NRXN3: variants seen among roughly 807,000 people sequenced by gnomAD.
NRXN3 encodes the protein neurexin III.
In NRXN3, 32 loss-of-function variants were observed where a neutral mutation model predicts 137.6. The ratio of observed to expected loss-of-function variants is 0.23; its 90% confidence interval spans 0.18 to 0.31. The LOEUF is 0.31. Among genes scored for constraint, NRXN3 ranks in the 10% least tolerant of loss-of-function variants. The pLI, the probability that NRXN3 is intolerant of heterozygous loss-of-function variation, is 1.00. For missense variants in NRXN3, 1,574 were observed against 2,062.5 expected (o/e 0.76, Z 4.59); for synonymous variants, 798 against 784.5 (o/e 1.02, Z -0.29).
chr14:78,402,345 A>C (rs1224394176), intron 4 of NRXN3, among the ~76,000 whole-genome samples: 1 of 152,264 alleles, frequency 6.6e-6, no homozygotes, highest in African/African-American at 2.4e-5. Flanking sequence ...AGTGAAAACA[A>C]AGATTTACTA....
At chr14:79,137,247 C>T (rs2058332800) in intron 15 of NRXN3, among the ~76,000 whole-genome samples, 1 of 152,122 alleles carries the variant, frequency 6.6e-6, no homozygotes, top group Non-Finnish European at 1.5e-5. Context: ...AGTATTTTGG[C>T]CTTCAGCTGG....
intron 4 of NRXN3, among the ~76,000 whole-genome samples, chr14:78,615,745 G>A (rs1311406782): frequency 6.6e-6 from 1 of 152,076 alleles, no homozygotes; most frequent in African/African-American, 2.4e-5. Flanking sequence ...GACCAGCCTG[G>A]ACAACATGGT....
intron 15 of NRXN3, among the ~76,000 whole-genome samples, chr14:79,244,719 C>T (rs1466762227): frequency 6.6e-6 from 1 of 152,116 alleles, no homozygotes; most frequent in Admixed American, 6.6e-5. Flanking sequence ...CCATTCTTTG[C>T]ACCAGGTTTC....
chr14:78,841,998 C>T (rs1366383112), intron 10 of NRXN3, among the ~76,000 whole-genome samples: 1 of 152,104 alleles, frequency 6.6e-6, no homozygotes, highest in Admixed American at 6.6e-5. Context: ...TACTGCCTGA[C>T]ACACAGAAAG....
At chr14:79,182,079 T>C (rs979975435) in intron 15 of NRXN3, among the ~76,000 whole-genome samples, 6 of 152,146 alleles carry the variant, frequency 3.9e-5, no homozygotes, top group African/African-American at 1.2e-4. Flanking sequence ...CTCCAAATAA[T>C]TATGATGATA....
chr14:79,608,291 T>C (rs1440541941), intron 16 of NRXN3, among the ~76,000 whole-genome samples: 2 of 152,190 alleles, frequency 1.3e-5, no homozygotes, highest in African/African-American at 4.8e-5. Context: ...GGTAAGCTTA[T>C]GATTTGTTTT....
chr14:79,307,334 A>C (rs1004084694), intron 15 of NRXN3, among the ~76,000 whole-genome samples: 1 of 152,090 alleles, frequency 6.6e-6, no homozygotes, highest in African/African-American at 2.4e-5. Flanking sequence ...CCACCTTCAT[A>C]ATACCTTTAG....
At chr14:78,749,162 G>A (rs2098629013) in intron 8 of NRXN3, among the ~76,000 whole-genome samples, 1 of 152,200 alleles carries the variant, frequency 6.6e-6, no homozygotes, top group South Asian at 2.1e-4. Context: ...GGGCTGAGCA[G>A]TGACTTCTTC....
intron 4 of NRXN3, among the ~76,000 whole-genome samples, chr14:78,336,785 T>C (rs1173687125): frequency 6.6e-6 from 1 of 152,124 alleles, no homozygotes; most frequent in Non-Finnish European, 1.5e-5. Context: ...TTCCCTCTTA[T>C]CTGCTCTCCT....
chr14:78,720,045 C>T (rs1184976874), intron 8 of NRXN3, among the ~76,000 whole-genome samples: 1 of 152,010 alleles, frequency 6.6e-6, no homozygotes, highest in Non-Finnish European at 1.5e-5. Context: ...CATTGAGCAG[C>T]CTTTCCTTCA....
At chr14:78,394,079 T>C (rs377683575) in intron 4 of NRXN3, among the ~76,000 whole-genome samples, 2 of 151,980 alleles carry the variant, frequency 1.3e-5, no homozygotes, top group African/African-American at 4.8e-5. Flanking sequence ...TCCAGAGCCG[T>C]ATGTATTTTT....
At chr14:79,255,115 G>C (rs1197459251) in intron 15 of NRXN3, among the ~76,000 whole-genome samples, 2 of 152,110 alleles carry the variant, frequency 1.3e-5, no homozygotes, top group African/African-American at 4.8e-5. Flanking sequence ...AGCTTTCCTT[G>C]ATTCCCTGAG....
intron 1 of NRXN3, among the ~76,000 whole-genome samples, chr14:78,207,615 C>A (rs867897042): frequency 6.6e-6 from 1 of 152,190 alleles, no homozygotes; most frequent in African/African-American, 2.4e-5. Flanking sequence ...GTCATCATTT[C>A]CTGCGTATCT....
chr14:78,204,188 A>AT (rs2061966226), intron 1 of NRXN3, among the ~76,000 whole-genome samples: 1 of 152,000 alleles, frequency 6.6e-6, no homozygotes, highest in African/African-American at 2.4e-5. Context: ...AAGAATTAAC[A>AT]TTTTCCAGCC....
At chr14:78,664,131 C>G (rs963640036) in intron 6 of NRXN3, among the ~76,000 whole-genome samples, 2 of 152,122 alleles carry the variant, frequency 1.3e-5, no homozygotes, top group Non-Finnish European at 2.9e-5. Flanking sequence ...AATTATCAAC[C>G]AATAAAATTC....
intron 11 of NRXN3, among the ~76,000 whole-genome samples, chr14:78,964,100 A>G (rs531196526): frequency 9.9e-5 from 15 of 152,206 alleles, no homozygotes; most frequent in African/African-American, 3.4e-4. Context: ...GTTTTTTCCC[A>G]AAGAGATAAA....
chr14:78,731,935 A>T (rs951171816), intron 8 of NRXN3, among the ~76,000 whole-genome samples: 1 of 23,420 alleles, frequency 4.3e-5, no homozygotes, highest in Non-Finnish European at 1.3e-4. Flanking sequence ...TGCCTCAGTA[A>T]TGCTGTGAAC....
At position 79,096,681 on chromosome 14, in the gene NRXN3, G is replaced by A. The variant is rs559396218; in HGVS notation, c.3262+108540G>A. Among the ~76,000 whole-genome samples the A allele has an allele frequency of 9.9e-5, 15 of 151,164 alleles. No homozygotes were observed. The South Asian group carries it at 1.3e-3, about 13-fold the overall frequency. ...CACCAGCATTCTCTGTGACCCAATC[G>A]CCAGAGCTCTGATACTTATTCCAGA... On this transcript the variant is annotated intron_variant, in intron 15 of 20. Coordinates refer to ENST00000335750, the MANE Select transcript of NRXN3 (RefSeq NM_001330195.2).
chr14:79,442,860 T>C (rs1257837298), intron 15 of NRXN3, among the ~76,000 whole-genome samples: 2 of 152,250 alleles, frequency 1.3e-5, no homozygotes, highest in Admixed American at 1.3e-4. Flanking sequence ...GTTCAACTGT[T>C]CCGTGTGATC....
Sources: allele counts gnomAD v4.1 joint callset (sites outside exome capture counted in the v4.1 genomes callset), GRCh38; gene constraint gnomAD v4.1.1; transcripts MANE v1.5; gene names NCBI Gene and HGNC (gene_info 2026-07-23, HGNC 2026-07-21).